MED12L: variants seen among roughly 807,000 people sequenced by gnomAD.
MED12L encodes the protein mediator complex subunit 12L, also known as mediator of RNA polymerase II transcription subunit 12-like protein.
In MED12L, 60 loss-of-function variants were observed where a neutral mutation model predicts 281.3. That is an observed-to-expected ratio of 0.21 (90% CI 0.17 to 0.26). MED12L has a LOEUF of 0.26. Among genes scored for constraint, MED12L ranks in the 10% least tolerant of loss-of-function variants. The pLI is 1.00. For synonymous variants in MED12L, 974 were observed against 987.2 expected (o/e 0.99, Z 0.25); for missense variants, 2,146 against 2,680.9 (o/e 0.80, Z 4.41).
chr3:151,167,799 T>G (rs1391489392), intron 11 of MED12L, among the ~76,000 whole-genome samples: 1 of 152,206 alleles, frequency 6.6e-6, no homozygotes, highest in African/African-American at 2.4e-5. Context: ...TAGTAAAGAC[T>G]TTCTTAGATA....
At chr3:151,418,906 AG>A (rs1329848472) in intron 43 of MED12L, among the ~76,000 whole-genome samples, 1 of 152,192 alleles carries the variant, frequency 6.6e-6, no homozygotes, top group Non-Finnish European at 1.5e-5. Flanking sequence ...ATTTATGTAC[AG>A]ATACGTGAGA....
chr3:151,417,083 T>C (rs1183496827), intron 43 of MED12L, among the ~76,000 whole-genome samples: 1 of 152,206 alleles, frequency 6.6e-6, no homozygotes, highest in Non-Finnish European at 1.5e-5. Context: ...ATCATTACCA[T>C]CCATAATTAT....
intron 16 of MED12L, among the ~76,000 whole-genome samples, chr3:151,251,450 G>C (rs1166374137): frequency 6.6e-6 from 1 of 151,570 alleles, no homozygotes; most frequent in East Asian, 1.9e-4. Flanking sequence ...TTTTTTGTCT[G>C]TGTTCCCTGC....
intron 42 of MED12L, 54 bp downstream of exon 42, chr3:151,413,349 T>C (rs2108367547): frequency 6.5e-7 from 1 of 1,542,542 alleles, no homozygotes; most frequent in Non-Finnish European, 8.8e-7. Context: ...AGTGCAAATA[T>C]GCAACAGTCA....
rs113014445 is a variant in MED12L at position 151,315,461 on chromosome 3, T to C, written c.2251-34598T>C. On this transcript the variant is annotated intron_variant, in intron 16 of 44. Coordinates refer to ENST00000687756, the MANE Select transcript of MED12L (RefSeq NM_001393769.1). ...ATAAAGATTTTCTGGCGGGATACTT[T>C]CTTTTTATAGGCTGTATCCTTAAAT... Among the ~76,000 whole-genome samples the C allele has an allele frequency of 6.8e-3, 1,036 of 152,330 alleles. 10 individuals are homozygous for C. Among genetic ancestry groups the C allele is most frequent in the South Asian group, 0.024 (114 of 4,828 alleles).
intron 2 of MED12L, among the ~76,000 whole-genome samples, chr3:151,099,113 G>T (rs2148653329): frequency 6.6e-6 from 1 of 152,310 alleles, no homozygotes; most frequent in African/African-American, 2.4e-5. Flanking sequence ...AACAGGTGGG[G>T]ATTATGGGAA....
intron 16 of MED12L, among the ~76,000 whole-genome samples, chr3:151,230,751 A>T (rs1731505779): frequency 6.6e-6 from 1 of 152,220 alleles, no homozygotes. Flanking sequence ...TCTGTAAGTC[A>T]TGACACCCCA....
At chr3:151,320,347 T>A (rs1390147350) in intron 16 of MED12L, among the ~76,000 whole-genome samples, 2 of 152,180 alleles carry the variant, frequency 1.3e-5, no homozygotes, top group Non-Finnish European at 2.9e-5. Flanking sequence ...AGGTGATCTC[T>A]CTTGAATGCC....
intron 11 of MED12L, among the ~76,000 whole-genome samples, chr3:151,168,946 G>T (rs1721047127): frequency 6.6e-6 from 1 of 152,108 alleles, no homozygotes; most frequent in Non-Finnish European, 1.5e-5. Flanking sequence ...CTCTCAAAGT[G>T]CTGGGAGGTG....
intron 2 of MED12L, among the ~76,000 whole-genome samples, chr3:151,094,105 A>G (rs889640433): frequency 6.6e-6 from 1 of 152,240 alleles, no homozygotes; most frequent in South Asian, 2.1e-4. Flanking sequence ...GTGTCTGCAC[A>G]TGCATATATG....
intron 2 of MED12L, among the ~76,000 whole-genome samples, chr3:151,115,580 C>T (rs1712643197): frequency 1.3e-5 from 2 of 151,516 alleles, no homozygotes; most frequent in South Asian, 4.2e-4. Flanking sequence ...CTCCTAACCT[C>T]AGGTGATCCA....
chr3:151,168,220 C>T (rs1720965111), intron 11 of MED12L, among the ~76,000 whole-genome samples: 1 of 152,126 alleles, frequency 6.6e-6, no homozygotes, highest in Admixed American at 6.6e-5. Context: ...TGCAATGAGC[C>T]ATTAGGGTGC....
chr3:151,300,760 G>A (rs1745799843), intron 16 of MED12L, among the ~76,000 whole-genome samples: 1 of 152,204 alleles, frequency 6.6e-6, no homozygotes, highest in South Asian at 2.1e-4. Context: ...AAGCAAACTT[G>A]AGGCTGGTGT....
At chr3:151,347,108 C>G (rs1197377081) in intron 16 of MED12L, among the ~76,000 whole-genome samples, 1 of 152,024 alleles carries the variant, frequency 6.6e-6, no homozygotes, top group Non-Finnish European at 1.5e-5. Context: ...CATTTTGCTT[C>G]TTAGTCTTCA....
chr3:151,376,862 C>A lies in MED12L; in HGVS notation c.4116C>A (p.Cys1372Ter). ...WLELQLMIKQ[C>*]LKDPGSGSVA... ...AACTCCAGCTAATGATCAAACAGTG[C>A]TTGAAGGACCCTGTGAGTTTATATT... The change falls in exon 29 of 45, where the codon TGC becomes TGA. Residue 1372 changes from cysteine to a stop codon, truncating the protein, a stop_gained. Coordinates refer to ENST00000687756, the MANE Select transcript of MED12L (RefSeq NM_001393769.1). LOFTEE classifies it high-confidence loss of function. The A allele has an allele frequency of 6.2e-7, 1 of 1,613,854 alleles. No individual in the cohort carries two copies. The highest frequency in any genetic ancestry group is 8.5e-7 in the Non-Finnish European group (1 of 1,179,850).
intron 2 of MED12L, among the ~76,000 whole-genome samples, chr3:151,096,577 A>T (rs950432017): frequency 6.6e-6 from 1 of 152,158 alleles, no homozygotes; most frequent in Non-Finnish European, 1.5e-5. Context: ...TGTTTCTGGC[A>T]GAAAGCATTT....
Position 151,128,002 on chromosome 3 carries a change from A to G in MED12L, c.556+18A>G, listed in dbSNP as rs748501588. 4 of 1,600,956 alleles carry G rather than the reference A, an allele frequency of 2.5e-6. No homozygotes were observed. Among genetic ancestry groups the G allele is most frequent in the East Asian group, 2.2e-5 (1 of 44,788 alleles). On this transcript the variant is annotated intron_variant, in intron 5 of 44. Transcript: ENST00000687756. Reference sequence around the variant, plus strand: ...GAATTTGGGTAAGTGAGAGAATACAATACACCTTACATTTCATTATTGATT... The same window carrying G: ...GAATTTGGGTAAGTGAGAGAATACAGTACACCTTACATTTCATTATTGATT...
chr3:151,319,605 A>C (rs1471687018), intron 16 of MED12L, among the ~76,000 whole-genome samples: 1 of 152,060 alleles, frequency 6.6e-6, no homozygotes, highest in Non-Finnish European at 1.5e-5. Context: ...ACTACAAACA[A>C]ATTGAAAGAA....
In MED12L at chr3:151,331,331, G is replaced by A. The variant is rs570038384; in HGVS notation, c.2251-18728G>A. ...CAGCTGAGAAGCTGCTCAGCAGAATGTTTAGGCGCCAGAGTGCCTGGGCTC... is the reference window on the plus strand; with the variant it reads ...CAGCTGAGAAGCTGCTCAGCAGAATATTTAGGCGCCAGAGTGCCTGGGCTC... On this transcript the variant is annotated intron_variant, in intron 16 of 44. Coordinates refer to ENST00000687756, the MANE Select transcript of MED12L (RefSeq NM_001393769.1). Among the ~76,000 whole-genome samples the A allele has an allele frequency of 9.2e-5, 14 of 152,314 alleles. No homozygotes were observed. In the East Asian group the frequency reaches 2.1e-3, roughly 23 times the overall value.
Sources: gnomAD v4.1 joint callset for allele counts (sites outside exome capture counted in the v4.1 genomes callset) on GRCh38, gnomAD v4.1.1 for gene constraint, MANE v1.5 for transcripts, NCBI Gene and HGNC (gene_info 2026-07-23, HGNC 2026-07-21) for gene names.